ABTB3: variants seen among roughly 807,000 people sequenced by gnomAD.
The protein encoded by ABTB3 is ankyrin repeat and BTB domain containing 3.
At chr12:107,552,346 A>C in the ABTB3 span, among the ~76,000 whole-genome samples, 1 of 152,238 alleles carries the variant, frequency 6.6e-6, no homozygotes, top group Admixed American at 6.5e-5. Context: ...AAATGAATAC[A>C]CTTATTAAAT....
the ABTB3 span, among the ~76,000 whole-genome samples, chr12:107,547,663 T>C: frequency 6.6e-6 from 1 of 152,234 alleles, no homozygotes; most frequent in African/African-American, 2.4e-5. Flanking sequence ...TTCCAGATTC[T>C]GTTCAGTGTG....
At chr12:107,453,896 G>A in the ABTB3 span, among the ~76,000 whole-genome samples, 3 of 152,228 alleles carry the variant, frequency 2.0e-5, no homozygotes, top group Non-Finnish European at 4.4e-5. Context: ...TAGGGGTGAG[G>A]AGGGGGAGGA....
chr12:107,379,991 A>G, the ABTB3 span, among the ~76,000 whole-genome samples: 3 of 152,208 alleles, frequency 2.0e-5, no homozygotes, highest in Admixed American at 2.0e-4. Context: ...ACCTGCAGCC[A>G]TCTATCCACC....
chr12:107,451,357 G>A, the ABTB3 span, among the ~76,000 whole-genome samples: 21 of 152,164 alleles, frequency 1.4e-4, no homozygotes, highest in Non-Finnish European at 2.8e-4. Flanking sequence ...TGAAGGCAGT[G>A]TTTTCTGAGA....
the ABTB3 span, chr12:107,657,808 C>T: frequency 1.8e-5 from 25 of 1,427,542 alleles, no homozygotes; most frequent in African/African-American, 2.3e-4. Flanking sequence ...CCACCTGGCA[C>T]CTGTTTTTGG....
chr12:107,635,219 G>A, the ABTB3 span: 1 of 1,426,126 alleles, frequency 7.0e-7, no homozygotes, highest in Non-Finnish European at 9.8e-7. Flanking sequence ...ACGCATTCCT[G>A]GGGCACAGCT....
chr12:107,457,081 C>T, the ABTB3 span, among the ~76,000 whole-genome samples: 1 of 152,160 alleles, frequency 6.6e-6, no homozygotes, highest in Non-Finnish European at 1.5e-5. Flanking sequence ...AGGCTGGTCT[C>T]GAACTCCTGA....
chr12:107,553,052 G>C, the ABTB3 span, among the ~76,000 whole-genome samples: 1 of 152,164 alleles, frequency 6.6e-6, no homozygotes, highest in Non-Finnish European at 1.5e-5. Flanking sequence ...TGACCTCAAG[G>C]CTTCAGTTTC....
the ABTB3 span, among the ~76,000 whole-genome samples, chr12:107,508,231 T>A: frequency 2.6e-5 from 4 of 151,994 alleles, no homozygotes. Flanking sequence ...TAGGAGATGC[T>A]GAAAAAAATT....
At chr12:107,604,041 C>T in the ABTB3 span, among the ~76,000 whole-genome samples, 3 of 152,128 alleles carry the variant, frequency 2.0e-5, no homozygotes, top group East Asian at 3.9e-4. Flanking sequence ...TGGTGGCGGG[C>T]ACCTGTAGTC....
At chr12:107,641,548 A>G in the ABTB3 span, among the ~76,000 whole-genome samples, 2 of 152,234 alleles carry the variant, frequency 1.3e-5, no homozygotes, top group Non-Finnish European at 2.9e-5. Context: ...TGGGCAGGAA[A>G]GTGCATTGAA....
chr12:107,445,922 C>T, the ABTB3 span, among the ~76,000 whole-genome samples: 2 of 142,216 alleles, frequency 1.4e-5, no homozygotes, highest in African/African-American at 5.2e-5. Context: ...TTCCCATCTC[C>T]TCTGTCTCTG....
chr12:107,392,922 C>G, the ABTB3 span, among the ~76,000 whole-genome samples: 1 of 152,326 alleles, frequency 6.6e-6, no homozygotes, highest in African/African-American at 2.4e-5. Context: ...CCCTTGCAAA[C>G]TCACAGTGGG....
chr12:107,550,465 C>T, the ABTB3 span, among the ~76,000 whole-genome samples: 22,465 of 146,598 alleles, frequency 0.15, 1,993 homozygotes, highest in East Asian at 0.25. Flanking sequence ...TCTCTGAACA[C>T]AGTAACATCA....
At chr12:107,640,602 C>G in the ABTB3 span, among the ~76,000 whole-genome samples, 1 of 152,184 alleles carries the variant, frequency 6.6e-6, no homozygotes, top group Non-Finnish European at 1.5e-5. Flanking sequence ...CCTCTGGGCA[C>G]ATAAAGGGGC....
the ABTB3 span, among the ~76,000 whole-genome samples, chr12:107,543,360 G>GA: frequency 1.4e-3 from 197 of 141,578 alleles, no homozygotes; most frequent in Non-Finnish European, 2.3e-3. Context: ...AAAAAAAAAG[G>GA]AAAAAAAACA....
chr12:107,649,380 T>A, the ABTB3 span: 5 of 1,098,496 alleles, frequency 4.6e-6, no homozygotes, highest in Non-Finnish European at 7.0e-6. Flanking sequence ...AGGACCCGTG[T>A]TGGGTTTTCA....
chr12:107,567,813 T>C, the ABTB3 span, among the ~76,000 whole-genome samples: 38 of 152,328 alleles, frequency 2.5e-4, no homozygotes, highest in South Asian at 6.4e-3. Context: ...TGATCTGAGG[T>C]GGAACAGTTT....
chr12:107,512,661 G>A, the ABTB3 span, among the ~76,000 whole-genome samples: 23 of 152,330 alleles, frequency 1.5e-4, no homozygotes, highest in Non-Finnish European at 2.2e-4. Context: ...GTGGCTAAGA[G>A]ATTGAGCTCT....
Sources: gnomAD v4.1 joint callset for allele counts (sites outside exome capture counted in the v4.1 genomes callset) on GRCh38, gnomAD v4.1.1 for gene constraint, MANE v1.5 for transcripts, NCBI Gene and HGNC (gene_info 2026-07-23, HGNC 2026-07-21) for gene names.